The following PKIB variants were observed in gnomAD, a reference collection of about 807,000 sequenced individuals.
The protein encoded by PKIB is cAMP-dependent protein kinase inhibitor beta.
Under a neutral mutation model 4.5 loss-of-function variants are expected in PKIB, and 2 were observed. That is an observed-to-expected ratio of 0.44 (90% CI 0.18 to 1.39). PKIB has a LOEUF of 1.39. PKIB is among the 40% of genes most tolerant of loss of function. The pLI, the probability that PKIB is intolerant of heterozygous loss-of-function variation, is 0.27. For missense variants in PKIB, 94 were observed against 92.6 expected, an observed-to-expected ratio of 1.02 and a Z score of -0.06; for synonymous variants, 38 against 36.0, an observed-to-expected ratio of 1.06 and a Z score of -0.20.
intron 2 of PKIB, among the ~76,000 whole-genome samples, chr6:122,499,157 C>T (rs1776154184): frequency 6.6e-6 from 1 of 152,170 alleles, no homozygotes; most frequent in African/African-American, 2.4e-5. Flanking sequence ...TGCTACCAAT[C>T]CTACTAAAAC....
At chr6:122,690,915 G>GATATATATATAT (rs55770226) in intron 3 of PKIB, among the ~76,000 whole-genome samples, 75 of 84,928 alleles carry the variant, frequency 8.8e-4, no homozygotes, top group African/African-American at 2.5e-3. Context: ...ATGCTTGAAG[G>GATATATATATAT]ATATATATAT....
At position 122,501,102 on chromosome 6, in the gene PKIB, C is replaced by G. The variant is rs185650478; in HGVS notation, c.-248+23163C>G. ...ATATCATTCTGCCCCCAGCTTCTCCCACATCTCATGTCCTTCTCACATTCC... is the reference window on the plus strand; with the variant it reads ...ATATCATTCTGCCCCCAGCTTCTCCGACATCTCATGTCCTTCTCACATTCC... On this transcript the variant is annotated intron_variant, in intron 2 of 6. Coordinates refer to the PKIB transcript ENST00000392491. Among the ~76,000 whole-genome samples, 809 of 152,230 alleles carry G rather than the reference C, an allele frequency of 5.3e-3. 8 individuals are homozygous for G. The highest frequency in any genetic ancestry group is 0.018 in the African/African-American group (759 of 41,524).
chr6:122,534,258 G>C (rs931966512), intron 2 of PKIB, among the ~76,000 whole-genome samples: 2 of 151,642 alleles, frequency 1.3e-5, no homozygotes, highest in Non-Finnish European at 2.9e-5. Flanking sequence ...CCACAGCACA[G>C]GGAGATGGAC....
chr6:122,549,942 T>G (rs1772625844), intron 2 of PKIB, among the ~76,000 whole-genome samples: 1 of 150,288 alleles, frequency 6.7e-6, no homozygotes, highest in Admixed American at 6.6e-5. Flanking sequence ...TGAGACAGAG[T>G]CTTGCTCTGT....
intron 3 of PKIB, among the ~76,000 whole-genome samples, chr6:122,706,048 C>T (rs2115040582): frequency 6.6e-6 from 1 of 152,230 alleles, no homozygotes; most frequent in South Asian, 2.1e-4. Flanking sequence ...CGAAATGTTT[C>T]CTTTTCTCTT....
Position 122,566,457 on chromosome 6 carries a change from A to G in PKIB, c.-247-19464A>G, listed in dbSNP as rs557863144. 1.2e-3 allele frequency among the ~76,000 whole-genome samples: 176 copies of G among 152,308 alleles called. 1 individual carries two copies. The highest frequency in any genetic ancestry group is 1.3e-3 in the Non-Finnish European group (89 of 68,030). On this transcript the variant is annotated intron_variant, in intron 2 of 6. Transcript: ENST00000392491. The stretch of plus-strand genomic sequence containing the variant: ...ATATAGCCTCAAAACTCATATGTAG[A>G]TAACAGATATTATTAAAATATTTTT...
chr6:122,553,513 G>A (rs990801181), intron 2 of PKIB, among the ~76,000 whole-genome samples: 1 of 38,552 alleles, frequency 2.6e-5, no homozygotes, highest in South Asian at 1.3e-3. Context: ...TCTGAAAAAG[G>A]CTTCCCTGAC....
intron 2 of PKIB, among the ~76,000 whole-genome samples, chr6:122,562,004 G>GTGTTTTTTTTTTT: frequency 1.3e-5 from 1 of 79,480 alleles, no homozygotes; most frequent in South Asian, 5.3e-4. Context: ...GTTTTTTTTT[G>GTGTTTTTTTTTTT]TTTTTTTTTT....
At chr6:122,613,080 GT>G (rs1169204637) in intron 1 of PKIB, among the ~76,000 whole-genome samples, 2 of 152,054 alleles carry the variant, frequency 1.3e-5, no homozygotes, top group Non-Finnish European at 2.9e-5. Flanking sequence ...CTTGCCTAAT[GT>G]TTTTTAATGC....
intron 2 of PKIB, among the ~76,000 whole-genome samples, chr6:122,550,060 G>A (rs996473680): frequency 2.0e-5 from 3 of 151,766 alleles, no homozygotes; most frequent in African/African-American, 7.3e-5. Context: ...GATTACAGGT[G>A]TGTGCTGCCA....
intron 2 of PKIB, among the ~76,000 whole-genome samples, chr6:122,575,220 A>G (rs953817627): frequency 6.6e-6 from 1 of 152,184 alleles, no homozygotes; most frequent in Non-Finnish European, 1.5e-5. Context: ...CTCTTGCAAG[A>G]ATGGCCGTTT....
chr6:122,497,752 G>A (rs565665172), intron 2 of PKIB, among the ~76,000 whole-genome samples: 35 of 152,192 alleles, frequency 2.3e-4, no homozygotes, highest in African/African-American at 7.9e-4. Context: ...ACTTAGCCAC[G>A]CAATTATAGT....
chr6:122,555,587 G>A (rs1772812363), intron 2 of PKIB, among the ~76,000 whole-genome samples: 1 of 152,186 alleles, frequency 6.6e-6, no homozygotes, highest in Non-Finnish European at 1.5e-5. Flanking sequence ...ACACAGAGTT[G>A]GCCTGAATGC....
In PKIB at chr6:122,565,914, C is replaced by T. The variant is rs534884041; in HGVS notation, c.-247-20007C>T. Among the ~76,000 whole-genome samples, 110 of 152,358 alleles carry T rather than the reference C, an allele frequency of 7.2e-4. 4 individuals carry two copies. In the South Asian group the frequency reaches 0.022, roughly 30 times the overall value. On this transcript the variant is annotated intron_variant, in intron 2 of 6. Transcript: ENST00000392491. ...TAATGACATCATCACAAATCTGTCT[C>T]TTACCACTTTTACCTCTGTTTTCCT...
intron 2 of PKIB, among the ~76,000 whole-genome samples, chr6:122,581,289 T>C (rs1036950829): frequency 6.6e-6 from 1 of 152,178 alleles, no homozygotes; most frequent in Non-Finnish European, 1.5e-5. Context: ...GAAATGTTGG[T>C]TTCAATGTAG....
chr6:122,655,644 G>A (rs1051662349), intron 2 of PKIB, among the ~76,000 whole-genome samples: 1 of 152,012 alleles, frequency 6.6e-6, no homozygotes, highest in African/African-American at 2.4e-5. Context: ...CCTTCATGGA[G>A]GTAACAGTCT....
chr6:122,717,078 C>A (rs191131928), intron 3 of PKIB, among the ~76,000 whole-genome samples: 10 of 152,242 alleles, frequency 6.6e-5, no homozygotes, highest in Admixed American at 5.9e-4. Flanking sequence ...TTACCTTCCT[C>A]CCTTTATAGT....
At chr6:122,485,685 G>GT (rs900729281) in intron 2 of PKIB, among the ~76,000 whole-genome samples, 23 of 152,176 alleles carry the variant, frequency 1.5e-4, no homozygotes, top group Non-Finnish European at 3.1e-4. Context: ...AGGATGGCTA[G>GT]TTTAATAGCA....
At chr6:122,569,284 CA>C (rs1468765493) in intron 2 of PKIB, among the ~76,000 whole-genome samples, 1 of 152,192 alleles carries the variant, frequency 6.6e-6, no homozygotes, top group East Asian at 1.9e-4. Context: ...TAACTTAGGG[CA>C]AACTCAAATC....
Sources: gnomAD v4.1 joint callset for allele counts (sites outside exome capture counted in the v4.1 genomes callset) on GRCh38, gnomAD v4.1.1 for gene constraint, MANE v1.5 for transcripts, NCBI Gene and HGNC (gene_info 2026-07-23, HGNC 2026-07-21) for gene names.